The following OPCML variants were observed in gnomAD, a reference collection of about 807,000 sequenced individuals.
The protein encoded by OPCML is opioid binding protein/cell adhesion molecule like.
In OPCML, 13 loss-of-function variants were observed where a neutral mutation model predicts 37.8. The observed-to-expected ratio is 0.34, with a 90% CI of 0.22 to 0.55. OPCML has a LOEUF of 0.55. Ranked by LOEUF, OPCML falls within the 20% of genes least tolerant of loss-of-function variation. OPCML has a pLI of 0.91. For missense variants in OPCML, 341 were observed against 435.6 expected (o/e 0.78, Z 1.93); for synonymous variants, 176 against 168.8 (o/e 1.04, Z -0.33).
chr11:132,665,047 G>C (rs981488863), intron 2 of OPCML, among the ~76,000 whole-genome samples: 2 of 152,158 alleles, frequency 1.3e-5, no homozygotes, highest in African/African-American at 4.8e-5. Flanking sequence ...CAGCTGGAGG[G>C]GAGATGTCAC....
At chr11:132,567,058 T>C (rs1215786214) in intron 3 of OPCML, among the ~76,000 whole-genome samples, 2 of 151,730 alleles carry the variant, frequency 1.3e-5, no homozygotes, top group Non-Finnish European at 2.9e-5. Context: ...GATGACAGTA[T>C]AGATTCTACA....
intron 2 of OPCML, among the ~76,000 whole-genome samples, chr11:132,798,317 C>T (rs1190397689): frequency 7.9e-5 from 12 of 152,072 alleles, no homozygotes; most frequent in African/African-American, 2.4e-4. Flanking sequence ...GTGATCCACC[C>T]GCCTCAGCCT....
At chr11:133,161,635 A>G (rs1950142996) in intron 1 of OPCML, among the ~76,000 whole-genome samples, 1 of 152,228 alleles carries the variant, frequency 6.6e-6, no homozygotes, top group South Asian at 2.1e-4. Context: ...AGCATTTCCC[A>G]TAACTCACAT....
At chr11:133,402,212 G>C (rs1235516368) in intron 1 of OPCML, among the ~76,000 whole-genome samples, 1 of 151,928 alleles carries the variant, frequency 6.6e-6, no homozygotes, top group Non-Finnish European at 1.5e-5. Flanking sequence ...CACAGGGTGG[G>C]GGATAGTGAA....
chr11:133,111,773 T>C (rs182597085), intron 1 of OPCML, among the ~76,000 whole-genome samples: 19 of 152,144 alleles, frequency 1.2e-4, no homozygotes, highest in Non-Finnish European at 2.6e-4. Flanking sequence ...GGGAGGAGAG[T>C]TGATCCTTCA....
intron 2 of OPCML, among the ~76,000 whole-genome samples, chr11:132,674,949 A>T (rs994608476): frequency 6.6e-6 from 1 of 152,174 alleles, no homozygotes; most frequent in African/African-American, 2.4e-5. Context: ...TTTTGTGAAT[A>T]AGCTTTTCCA....
intron 2 of OPCML, among the ~76,000 whole-genome samples, chr11:132,888,251 G>A (rs891475110): frequency 3.9e-5 from 6 of 152,156 alleles, no homozygotes; most frequent in African/African-American, 1.4e-4. Flanking sequence ...AGGCACATGG[G>A]CCCAACCAGG....
At chr11:132,806,106 G>T (rs1328067103) in intron 2 of OPCML, among the ~76,000 whole-genome samples, 1 of 152,080 alleles carries the variant, frequency 6.6e-6, no homozygotes, top group Non-Finnish European at 1.5e-5. Context: ...TTAATAAAAA[G>T]AGTTATAGCT....
chr11:132,654,718 G>A (rs1591679497), intron 3 of OPCML, among the ~76,000 whole-genome samples: 1 of 151,060 alleles, frequency 6.6e-6, no homozygotes, highest in Non-Finnish European at 1.5e-5. Flanking sequence ...TCTTCCCCAA[G>A]AGAAGCTCTT....
chr11:132,540,614 C>T (rs1371003630), intron 3 of OPCML, among the ~76,000 whole-genome samples: 1 of 152,180 alleles, frequency 6.6e-6, no homozygotes, highest in East Asian at 1.9e-4. Flanking sequence ...CCAGTCCATT[C>T]TGATTGCTAT....
chr11:133,004,349 G>A lies in OPCML; in HGVS notation c.62-61339C>T, dbSNP rs1009564179. 1.9e-5 allele frequency: 19 copies of A among 985,326 alleles called. No individual in the cohort carries two copies. In the African/African-American group the frequency reaches 3.3e-4, roughly 17 times the overall value. The allele number at this position is 985,326 out of a possible 1,614,324, so 61.0% of individuals were successfully genotyped here. A position where few individuals can be genotyped will look rare whatever the true frequency, so the allele number is the denominator to read the frequency against. ...TGTGGGTCCTTTGGATTCCTGTAGT[G>A]TTGATGTTTTATTAATGGTTCTGCT... On this transcript the variant is annotated intron_variant, in intron 1 of 7. Transcript: ENST00000524381.
intron 1 of OPCML, among the ~76,000 whole-genome samples, chr11:133,273,110 C>T (rs1592157391): frequency 2.0e-5 from 3 of 152,286 alleles, no homozygotes; most frequent in South Asian, 4.1e-4. Flanking sequence ...AGATAGCAGC[C>T]ACCCACTGAA....
intron 1 of OPCML, among the ~76,000 whole-genome samples, chr11:133,291,097 T>C (rs1033668028): frequency 4.8e-4 from 73 of 152,368 alleles, no homozygotes; most frequent in African/African-American, 1.7e-3. Context: ...CCAACATTAT[T>C]CGTGCCACGC....
At chr11:133,256,697 TA>T (rs1306080334) in intron 1 of OPCML, among the ~76,000 whole-genome samples, 1 of 152,224 alleles carries the variant, frequency 6.6e-6, no homozygotes, top group East Asian at 1.9e-4. Context: ...AAAGTTCCTT[TA>T]AAAATCAATG....
chr11:132,667,006 C>T (rs769721023), intron 2 of OPCML, among the ~76,000 whole-genome samples: 12 of 152,180 alleles, frequency 7.9e-5, no homozygotes, highest in South Asian at 2.1e-4. Flanking sequence ...AAGGGTCTGC[C>T]GCTTAAGGAA....
chr11:132,516,645 T>A (rs1035507568), intron 4 of OPCML, among the ~76,000 whole-genome samples: 2 of 152,138 alleles, frequency 1.3e-5, no homozygotes, highest in Admixed American at 6.6e-5. Context: ...AGTGAATCAA[T>A]TGATGGAAAC....
intron 1 of OPCML, among the ~76,000 whole-genome samples, chr11:132,998,750 G>C (rs543424891): frequency 6.6e-6 from 1 of 152,070 alleles, no homozygotes; most frequent in African/African-American, 2.4e-5. Context: ...CTTATAAAAG[G>C]CCCAAATGAG....
chr11:132,746,099 T>G (rs553201529), intron 2 of OPCML, among the ~76,000 whole-genome samples: 27 of 151,008 alleles, frequency 1.8e-4, no homozygotes, highest in East Asian at 5.9e-4. Context: ...AGTTGTTGTT[T>G]TTTTTTTTTT....
intron 1 of OPCML, among the ~76,000 whole-genome samples, chr11:133,344,117 G>A (rs1011407791): frequency 2.2e-4 from 33 of 152,230 alleles, no homozygotes; most frequent in Non-Finnish European, 4.3e-4. Context: ...CTCTCCATTC[G>A]TCATAATCCA....
Sources: allele counts gnomAD v4.1 joint callset (sites outside exome capture counted in the v4.1 genomes callset), GRCh38; gene constraint gnomAD v4.1.1; transcripts MANE v1.5; gene names NCBI Gene and HGNC (gene_info 2026-07-23, HGNC 2026-07-21).